Variants in MYO10 observed in about 807,000 individuals in gnomAD.
MYO10 encodes the protein myosin X, also known as unconventional myosin-X.
A neutral mutation model predicts 257.3 loss-of-function variants in MYO10; 133 were observed. That is an observed-to-expected ratio of 0.52 (90% confidence interval 0.45 to 0.60). The LOEUF is 0.60. MYO10 is among the 20% of genes least tolerant of loss of function. The probability of loss-of-function intolerance (pLI) is 0.00; values close to 1 mark genes in which losing one functional copy is unlikely to be tolerated. For missense variants in MYO10, 2,399 were observed against 2,635.7 expected (o/e 0.91, Z 1.97); for synonymous variants, 1,104 against 1,028.6 (o/e 1.07, Z -1.40).
At chr5:16,667,245 A>G (rs1736214737) in intron 40 of MYO10, among the ~76,000 whole-genome samples, 2 of 152,144 alleles carry the variant, frequency 1.3e-5, no homozygotes, top group Non-Finnish European at 2.9e-5. Context: ...CTGAGGCCCC[A>G]GGGGCTGGGA....
At chr5:16,920,052 G>A (rs896130138) in intron 1 of MYO10, among the ~76,000 whole-genome samples, 5 of 151,776 alleles carry the variant, frequency 3.3e-5, no homozygotes, top group South Asian at 2.1e-4. Flanking sequence ...CGGAGACTGC[G>A]GTAAGCTGAC....
At chr5:16,888,506 A>T (rs1373919444) in intron 1 of MYO10, among the ~76,000 whole-genome samples, 1 of 151,764 alleles carries the variant, frequency 6.6e-6, no homozygotes, top group Non-Finnish European at 1.5e-5. Flanking sequence ...GAGGCAGGAG[A>T]ACTACTTGAA....
chr5:16,915,284 G>A (rs1745783601), intron 1 of MYO10, among the ~76,000 whole-genome samples: 1 of 152,180 alleles, frequency 6.6e-6, no homozygotes, highest in African/African-American at 2.4e-5. Flanking sequence ...CTCTACATGA[G>A]ATTAACAACA....
chr5:16,824,910 T>A (rs1241364601), intron 2 of MYO10, among the ~76,000 whole-genome samples: 1 of 151,696 alleles, frequency 6.6e-6, no homozygotes, highest in Non-Finnish European at 1.5e-5. Flanking sequence ...TCAAAAACAA[T>A]CGAAGAAATA....
intron 19 of MYO10, among the ~76,000 whole-genome samples, chr5:16,730,278 G>A (rs1228802290): frequency 4.6e-5 from 7 of 152,134 alleles, no homozygotes; most frequent in Non-Finnish European, 7.4e-5. Context: ...CATATTAACC[G>A]TGTAGGTCAT....
Position 16,701,721 on chromosome 5 carries a change from G to A in MYO10, c.2674C>T (p.Arg892Cys), listed in dbSNP as rs763640149. Residue 892 changes from arginine to cysteine, a missense_variant, in exon 25 of 41, where the codon CGT becomes TGT. By Grantham distance (180) the Arg-to-Cys change is radical (BLOSUM62 -3). This residue lies in a region of MYO10 where 1,820 missense variants were observed against 1,939.4 expected (regional missense o/e 0.94). Coordinates refer to ENST00000513610, the MANE Select transcript of MYO10 (RefSeq NM_012334.3). The surrounding 1 kb of genome is among the most constrained non-coding windows in gnomAD (Gnocchi z 8.1). Reference protein sequence around the residue: ...KENKQVEEILRLEKEIEDLQR... With the variant: ...KENKQVEEILCLEKEIEDLQR... ...AGGTCCTCGATTTCTTTCTCCAGAC[G>A]GAGGATCTCTTCCACCTGCTTATTT... The A allele has an allele frequency of 1.6e-5, 26 of 1,613,936 alleles. No individual in the cohort carries two copies. The highest frequency in any genetic ancestry group is 1.6e-4 in the Middle Eastern group (1 of 6,062).
chr5:16,751,367 C>G (rs975535461), intron 19 of MYO10, among the ~76,000 whole-genome samples: 1 of 152,306 alleles, frequency 6.6e-6, no homozygotes, highest in African/African-American at 2.4e-5. Context: ...GAATGCTAAT[C>G]GAGCCATAGC....
intron 1 of MYO10, among the ~76,000 whole-genome samples, chr5:16,919,236 G>T (rs1364889396): frequency 6.6e-6 from 1 of 152,074 alleles, no homozygotes; most frequent in Non-Finnish European, 1.5e-5. Flanking sequence ...AAATTAGCTG[G>T]TCGTGGTGGC....
intron 1 of MYO10, among the ~76,000 whole-genome samples, chr5:16,900,587 C>T (rs370075368): frequency 2.4e-4 from 37 of 152,090 alleles, no homozygotes; most frequent in Non-Finnish European, 4.1e-4. Flanking sequence ...CCGATCCATC[C>T]GGTGACAATT....
At chr5:16,821,954 T>C (rs1742832516) in intron 2 of MYO10, among the ~76,000 whole-genome samples, 1 of 148,074 alleles carries the variant, frequency 6.8e-6, no homozygotes, top group Non-Finnish European at 1.5e-5. Context: ...AGATACAGGA[T>C]TGCAGCTGCT....
chr5:16,795,880 G>A (rs186819588), intron 3 of MYO10, among the ~76,000 whole-genome samples: 27 of 152,054 alleles, frequency 1.8e-4, no homozygotes, highest in Admixed American at 5.2e-4. Flanking sequence ...AAAAGATAAC[G>A]TGACCATTTC....
intron 21 of MYO10, among the ~76,000 whole-genome samples, chr5:16,709,288 T>C (rs1432820366): frequency 6.6e-6 from 1 of 152,152 alleles, no homozygotes; most frequent in Non-Finnish European, 1.5e-5. Context: ...CAGAGAGACC[T>C]ATCACCTGCG....
At chr5:16,728,902 G>C (rs1052313342) in intron 19 of MYO10, among the ~76,000 whole-genome samples, 5 of 152,176 alleles carry the variant, frequency 3.3e-5, no homozygotes, top group African/African-American at 4.8e-5. Flanking sequence ...TGGCTGCATC[G>C]TTTTTACTGT....
intron 22 of MYO10, among the ~76,000 whole-genome samples, chr5:16,704,355 C>T (rs1376640670): frequency 6.6e-6 from 1 of 152,072 alleles, no homozygotes; most frequent in Non-Finnish European, 1.5e-5. Context: ...GTAGAGTTCC[C>T]TGCTGTCACT....
chr5:16,710,771 G>A, intron 21 of MYO10, 137 bp downstream of exon 21: 3 of 710,350 alleles, frequency 4.2e-6, no homozygotes, highest in East Asian at 2.7e-5. Context: ...AAAGGTTATG[G>A]TAGGCATGGC....
intron 2 of MYO10, among the ~76,000 whole-genome samples, chr5:16,847,124 A>G (rs1248479817): frequency 1.4e-5 from 2 of 145,750 alleles, no homozygotes; most frequent in African/African-American, 2.5e-5. Context: ...TCTCCAAAGG[A>G]AAAAAAAAAG....
chr5:16,689,800 A>G, intron 28 of MYO10, 24 bp downstream of exon 28: 1 of 1,570,476 alleles, frequency 6.4e-7, no homozygotes, highest in Non-Finnish European at 8.8e-7. Flanking sequence ...TGTGGGTAAC[A>G]CAAAGTCAAC....
At chr5:16,672,588 A>G in intron 37 of MYO10, 101 bp downstream of exon 37, 1 of 1,402,500 alleles carries the variant, frequency 7.1e-7, no homozygotes, top group Non-Finnish European at 9.8e-7. Flanking sequence ...TAACTCCAAT[A>G]CAGCGTGAAG....
intron 2 of MYO10, among the ~76,000 whole-genome samples, chr5:16,835,929 G>A (rs1282336733): frequency 6.6e-6 from 1 of 152,010 alleles, no homozygotes; most frequent in Non-Finnish European, 1.5e-5. Flanking sequence ...CCTCTCAAAT[G>A]TGTCAACAAG....
Sources: gnomAD v4.1 joint callset for allele counts (sites outside exome capture counted in the v4.1 genomes callset) on GRCh38, gnomAD v4.1.1 for gene constraint, gnomAD v4.1.1 regional missense constraint, Gnocchi (gnomAD v3.1) non-coding constraint, MANE v1.5 for transcripts, NCBI Gene and HGNC (gene_info 2026-07-23, HGNC 2026-07-21) for gene names.